ZNF143: variants seen among roughly 807,000 people sequenced by gnomAD.
The protein encoded by ZNF143 is SPH-binding factor.
A neutral mutation model predicts 74.1 loss-of-function variants in ZNF143; 49 were observed. That is an observed-to-expected ratio of 0.66 (90% CI 0.53 to 0.84). The LOEUF is 0.84. ZNF143 is among the 40% of genes least tolerant of loss of function. ZNF143 has a pLI of 0.00. For missense variants in ZNF143, 637 were observed against 793.4 expected (o/e 0.80, Z 2.37); for synonymous variants, 304 against 282.8 (o/e 1.07, Z -0.75).
At chr11:9,462,400 C>A (rs1249388346) in intron 1 of ZNF143, among the ~76,000 whole-genome samples, 1 of 151,730 alleles carries the variant, frequency 6.6e-6, no homozygotes, top group East Asian at 1.9e-4. Flanking sequence ...TCCCATGTTT[C>A]TACAAAAAAA....
intron 5 of ZNF143, among the ~76,000 whole-genome samples, chr11:9,475,954 G>A (rs926881470): frequency 6.6e-6 from 1 of 150,460 alleles, no homozygotes; most frequent in African/African-American, 2.4e-5. Context: ...GTGTGTGTGT[G>A]TATAAAATTT....
At chr11:9,497,847 T>C (rs1320671102) in intron 10 of ZNF143, 47 bp downstream of exon 10, 1 of 1,369,436 alleles carries the variant, frequency 7.3e-7, no homozygotes, top group Admixed American at 2.4e-5. Context: ...TTTTTTTTTT[T>C]TGAGACGGAG....
chr11:9,478,293 A>C (rs138491394), intron 5 of ZNF143, 97 bp from the exon 6 acceptor site: 2 of 1,273,780 alleles, frequency 1.6e-6, no homozygotes, highest in African/African-American at 1.5e-5. Flanking sequence ...ACTCAGAGTA[A>C]CTACTCAATA....
Position 9,473,016 on chromosome 11 carries a change from C to G in ZNF143, c.205+247C>G, listed in dbSNP as rs78402029. On this transcript the variant is annotated intron_variant, in intron 3 of 15. Transcript: ENST00000396602. ...GGAGAGAGGAGAGCAGGGAGTATGT[C>G]TTACTATTTTCTAGTAAGACCTTTC... is the stretch of plus-strand genomic sequence containing the variant. Among the ~76,000 whole-genome samples, 695 of 149,718 alleles carry G rather than the reference C, an allele frequency of 4.6e-3. 5 individuals are homozygous for G. Among genetic ancestry groups the G allele is most frequent in the African/African-American group, 0.016 (663 of 40,644 alleles).
intron 10 of ZNF143, among the ~76,000 whole-genome samples, chr11:9,500,052 C>G (rs1168009258): frequency 1.3e-5 from 2 of 152,166 alleles, no homozygotes; most frequent in East Asian, 1.9e-4. Context: ...ATGTGATCCC[C>G]CCATCTCACC....
At chr11:9,478,692 A>C (rs947421045) in intron 6 of ZNF143, 106 bp downstream of exon 6, 9 of 1,367,786 alleles carry the variant, frequency 6.6e-6, no homozygotes, top group Non-Finnish European at 8.9e-6. Context: ...AACCTGGCCA[A>C]TTTTGGCTGG....
intron 6 of ZNF143, among the ~76,000 whole-genome samples, 184 bp downstream of exon 6, chr11:9,478,770 G>C (rs1419227643): frequency 1.3e-5 from 2 of 152,086 alleles, no homozygotes; most frequent in Non-Finnish European, 2.9e-5. Context: ...AGGATTGTTT[G>C]AGCATAGATC....
At position 9,492,948 on chromosome 11, in the gene ZNF143, C is replaced by T. The variant is rs1847833815; in HGVS notation, c.646-1698C>T. ...TGTGTTTGGAATGATGACAACAGGC[C>T]TCATGGAAGTAGGGAGATGGAATTT... On this transcript the variant is annotated intron_variant, in intron 7 of 15. Transcript: ENST00000396602. Among the ~76,000 whole-genome samples the T allele has an allele frequency of 4.6e-5, 7 of 152,010 alleles. No homozygotes were observed. In the South Asian group the frequency reaches 6.2e-4, roughly 14 times the overall value.
At chr11:9,517,990 T>C (rs1020345475) in intron 14 of ZNF143, among the ~76,000 whole-genome samples, 7 of 152,142 alleles carry the variant, frequency 4.6e-5, no homozygotes, top group Non-Finnish European at 1.0e-4. Flanking sequence ...ACACACTATA[T>C]TGAATATAAG....
intron 7 of ZNF143, among the ~76,000 whole-genome samples, chr11:9,481,824 G>T (rs1013410311): frequency 1.3e-5 from 2 of 148,214 alleles, no homozygotes; most frequent in Non-Finnish European, 3.0e-5. Context: ...GGAGGTGGGG[G>T]TTGCAATGAG....
At chr11:9,526,822 C>T (rs772084705) in intron 15 of ZNF143, among the ~76,000 whole-genome samples, 5 of 152,026 alleles carry the variant, frequency 3.3e-5, no homozygotes, top group Non-Finnish European at 5.9e-5. Context: ...CGCTGCCATG[C>T]GCAGCTAATT....
At chr11:9,519,024 A>G (rs143453374) in intron 14 of ZNF143, among the ~76,000 whole-genome samples, 1,865 of 152,310 alleles carry the variant, frequency 0.012, 17 homozygotes, top group South Asian at 0.043. Context: ...GGTAAAATTT[A>G]CATAACAATG....
At position 9,472,678 on chromosome 11, in the gene ZNF143, T is replaced by C. The variant is rs749422712; in HGVS notation, c.114T>C (p.Asp38=). ...AAAATATTGATTTTTTTGTAATAGA[T>C]GGTGACAACTTAGAAAATATGGAAG... ...LCLTEAVTVA[D]GDNLENMEGV... The change falls in exon 3 of 16, where the codon GAT becomes GAC. Residue 38 remains aspartate, a splice_region_variant and synonymous_variant. Transcript: ENST00000396602. The C allele has an allele frequency of 2.5e-6, 4 of 1,609,766 alleles. No individual in the cohort carries two copies. Among genetic ancestry groups the C allele is most frequent in the Non-Finnish European group, 3.4e-6 (4 of 1,178,732 alleles).
At chr11:9,477,169 TCCTC>T (rs1313361654) in intron 5 of ZNF143, among the ~76,000 whole-genome samples, 1 of 126,852 alleles carries the variant, frequency 7.9e-6, no homozygotes, top group South Asian at 2.6e-4. Flanking sequence ...CTTCCTTCCT[TCCTC>T]CTCTCCCTTC....
chr11:9,494,722 A>G lies in ZNF143; in HGVS notation c.722A>G (p.Tyr241Cys). Reference sequence around the variant, plus strand: ...GGAGAGAAGGCATTTCGATGTGAATATGATGGATGTGGAAAATTATATACA... The same window carrying G: ...GGAGAGAAGGCATTTCGATGTGAATGTGATGGATGTGGAAAATTATATACA... ...QSGEKAFRCE[Y>C]DGCGKLYTTA... Residue 241 changes from tyrosine (Y) to cysteine (C), a missense_variant, in exon 8 of 16, where the codon TAT (tyrosine) becomes TGT (cysteine). Coordinates refer to ENST00000396602, the MANE Select transcript of ZNF143 (RefSeq NM_003442.6). 1.2e-6 allele frequency: 2 copies of G among 1,613,474 alleles called. No homozygotes were observed. The highest frequency in any genetic ancestry group is 1.7e-6 in the Non-Finnish European group (2 of 1,179,374).
Position 9,497,681 on chromosome 11 carries a change from G to A in ZNF143, c.848G>A (p.Gly283Glu). 1.3e-6 allele frequency: 2 copies of A among 1,596,400 alleles called. No individual in the cohort carries two copies. Among genetic ancestry groups the A allele is most frequent in the Non-Finnish European group, 1.7e-6 (2 of 1,168,970 alleles). ...TTTTAATTTTTTCTTAAAGGTTATG[G>A]ATTAAAAAGTCACGTCAGAACTCAT... Reference protein sequence around the residue: ...GCGKAFATGYGLKSHVRTHTG... With the variant: ...GCGKAFATGYELKSHVRTHTG... Residue 283 changes from glycine (G) to glutamate (E), a missense_variant, in exon 10 of 16, where the codon GGA becomes GAA. Gly to Glu is a moderately conservative substitution (Grantham distance 98). Coordinates refer to ENST00000396602, the MANE Select transcript of ZNF143 (RefSeq NM_003442.6).
intron 7 of ZNF143, among the ~76,000 whole-genome samples, chr11:9,487,435 C>T (rs1417332755): frequency 6.6e-6 from 1 of 151,642 alleles, no homozygotes; most frequent in Admixed American, 6.6e-5. Context: ...TCTCAGCTCA[C>T]TGCAAGCTCC....
intron 7 of ZNF143, among the ~76,000 whole-genome samples, chr11:9,492,271 T>A (rs1366998484): frequency 6.6e-6 from 1 of 152,058 alleles, no homozygotes; most frequent in South Asian, 2.1e-4. Context: ...CCACAGCGCC[T>A]GGCTAATTTT....
chr11:9,497,300 G>A (rs981690886), intron 9 of ZNF143, among the ~76,000 whole-genome samples: 2 of 152,026 alleles, frequency 1.3e-5, no homozygotes, highest in African/African-American at 2.4e-5. Flanking sequence ...ACGTGATCTC[G>A]GCTCCCTGCA....
Sources: allele counts gnomAD v4.1 joint callset (sites outside exome capture counted in the v4.1 genomes callset), GRCh38; gene constraint gnomAD v4.1.1; transcripts MANE v1.5; gene names NCBI Gene and HGNC (gene_info 2026-07-23, HGNC 2026-07-21).